Variants in SCAPER observed in about 807,000 individuals in gnomAD.
The protein encoded by SCAPER is S phase cyclin A-associated protein in the endoplasmic reticulum.
In SCAPER, 98 loss-of-function variants were observed where a neutral mutation model predicts 182.2. That is an observed-to-expected ratio of 0.54 (90% confidence interval 0.46 to 0.64). The LOEUF (loss-of-function observed/expected upper bound fraction) is 0.64, where lower values mean the gene tolerates loss of function less well. Among genes scored for constraint, SCAPER ranks in the 30% least tolerant of loss-of-function variants. The pLI, the probability that SCAPER is intolerant of heterozygous loss-of-function variation, is 0.00. For synonymous variants in SCAPER, 605 were observed against 564.6 expected (o/e 1.07, Z -1.01); for missense variants, 1,432 against 1,690.0 (o/e 0.85, Z 2.68).
At chr15:76,437,145 A>G (rs548978687) in intron 25 of SCAPER, among the ~76,000 whole-genome samples, 75 of 152,278 alleles carry the variant, frequency 4.9e-4, no homozygotes, top group African/African-American at 1.8e-3. Context: ...TTGGCTATAC[A>G]TATAGTAGGT....
intron 23 of SCAPER, among the ~76,000 whole-genome samples, chr15:76,563,573 T>A (rs1233206897): frequency 6.6e-6 from 1 of 152,158 alleles, no homozygotes; most frequent in African/African-American, 2.4e-5. Context: ...GATTCACAGC[T>A]GAAGTCTATC....
chr15:76,373,627 C>A (rs117775254), intron 29 of SCAPER, among the ~76,000 whole-genome samples: 6 of 152,270 alleles, frequency 3.9e-5, no homozygotes, highest in Non-Finnish European at 7.4e-5. Context: ...CATCTACTCC[C>A]CTGGCAACAG....
intron 5 of SCAPER, among the ~76,000 whole-genome samples, chr15:76,819,655 G>A (rs34049670): frequency 0.39 from 58,992 of 151,962 alleles, 13,214 homozygotes; most frequent in Middle Eastern, 0.53. Flanking sequence ...TAGAAAAACC[G>A]GAAACTCTAA....
At chr15:76,899,658 G>A (rs535330863) in intron 1 of SCAPER, among the ~76,000 whole-genome samples, 54 of 151,746 alleles carry the variant, frequency 3.6e-4, no homozygotes, top group East Asian at 1.4e-3. Context: ...CTGCCTGGCC[G>A]CCCCGTCTGG....
chr15:76,471,112 TC>T (rs2050125654), intron 25 of SCAPER, 99 bp downstream of exon 25: 5 of 900,272 alleles, frequency 5.6e-6, no homozygotes, highest in Admixed American at 4.0e-5. Flanking sequence ...TTTTTTTTTT[TC>T]ATCTGGAGAG....
intron 15 of SCAPER, among the ~76,000 whole-genome samples, chr15:76,749,199 T>A (rs1001033671): frequency 6.6e-6 from 1 of 151,996 alleles, no homozygotes; most frequent in Non-Finnish European, 1.5e-5. Context: ...GCACGGTTGG[T>A]TTAATATTTG....
intron 2 of SCAPER, among the ~76,000 whole-genome samples, chr15:76,881,162 C>T (rs1337821424): frequency 6.6e-6 from 1 of 152,186 alleles, no homozygotes; most frequent in East Asian, 1.9e-4. Context: ...GTGATATGAT[C>T]ATGGCTCACT....
chr15:76,533,035 ATATTATGCAGCAGAAATGATCAAT>A (rs1287193868), intron 23 of SCAPER, among the ~76,000 whole-genome samples: 1 of 152,274 alleles, frequency 6.6e-6, no homozygotes, highest in Non-Finnish European at 1.5e-5. Flanking sequence ...ATAAGTAATT[ATATTATGCAGCAGAAATGATCAAT>A]TATTATGCAG....
chr15:76,844,606 A>G (rs1423106217), intron 4 of SCAPER, among the ~76,000 whole-genome samples: 1 of 152,172 alleles, frequency 6.6e-6, no homozygotes, highest in Non-Finnish European at 1.5e-5. Flanking sequence ...AATAAATTGG[A>G]AAATCTAGAG....
At chr15:76,556,694 A>G (rs1419248229) in intron 23 of SCAPER, among the ~76,000 whole-genome samples, 1 of 152,140 alleles carries the variant, frequency 6.6e-6, no homozygotes, top group Non-Finnish European at 1.5e-5. Flanking sequence ...GAAAGACTGA[A>G]CAGACCAATA....
At chr15:76,899,057 ATT>A (rs992694651) in intron 1 of SCAPER, among the ~76,000 whole-genome samples, 3 of 152,196 alleles carry the variant, frequency 2.0e-5, no homozygotes, top group African/African-American at 7.2e-5. Flanking sequence ...AATTTACGTA[ATT>A]TTCTTTCAAT....
intron 15 of SCAPER, among the ~76,000 whole-genome samples, chr15:76,746,014 AAAC>A (rs1234267227): frequency 5.9e-5 from 9 of 152,250 alleles, no homozygotes; most frequent in African/African-American, 1.9e-4. Flanking sequence ...CTTGCACTTT[AAAC>A]AACAAAATTG....
At chr15:76,470,543 T>C (rs578111409) in intron 25 of SCAPER, among the ~76,000 whole-genome samples, 2 of 152,328 alleles carry the variant, frequency 1.3e-5, no homozygotes, top group African/African-American at 4.8e-5. Context: ...TCTTGTGTTA[T>C]AAACTTGCAG....
At chr15:76,499,227 T>C (rs571387753) in intron 24 of SCAPER, among the ~76,000 whole-genome samples, 2 of 152,318 alleles carry the variant, frequency 1.3e-5, no homozygotes, top group East Asian at 3.9e-4. Context: ...CAGAGAAGAA[T>C]AGGATGCTCA....
intron 21 of SCAPER, among the ~76,000 whole-genome samples, chr15:76,627,286 A>G (rs2052674628): frequency 6.6e-6 from 1 of 152,044 alleles, no homozygotes; most frequent in Non-Finnish European, 1.5e-5. Flanking sequence ...TTTTATCTTT[A>G]TAAAAAATAG....
intron 20 of SCAPER, among the ~76,000 whole-genome samples, chr15:76,671,634 A>G (rs2146861195): frequency 6.6e-6 from 1 of 151,992 alleles, no homozygotes; most frequent in South Asian, 2.1e-4. Flanking sequence ...GCCGGGAGTG[A>G]TGGCAGGTGC....
At chr15:76,844,664 T>C (rs1436042868) in intron 4 of SCAPER, among the ~76,000 whole-genome samples, 2 of 152,008 alleles carry the variant, frequency 1.3e-5, no homozygotes, top group Non-Finnish European at 2.9e-5. Flanking sequence ...GATTGAACCA[T>C]AAAGAAATCC....
chr15:76,462,356 G>A (rs899361741), intron 25 of SCAPER, among the ~76,000 whole-genome samples: 1 of 152,124 alleles, frequency 6.6e-6, no homozygotes, highest in African/African-American at 2.4e-5. Flanking sequence ...CAGTCCGATA[G>A]GAGCTTATTC....
At chr15:76,636,035 T>C (rs184832035) in intron 21 of SCAPER, among the ~76,000 whole-genome samples, 19 of 152,348 alleles carry the variant, frequency 1.2e-4, no homozygotes, top group Admixed American at 3.9e-4. Context: ...GTTGTCTTTA[T>C]GTGGCATTAG....
Sources: allele counts gnomAD v4.1 joint callset (sites outside exome capture counted in the v4.1 genomes callset), GRCh38; gene constraint gnomAD v4.1.1; transcripts MANE v1.5; gene names NCBI Gene and HGNC (gene_info 2026-07-23, HGNC 2026-07-21).